The following NCBP3 variants were observed in gnomAD, a reference collection of about 807,000 sequenced individuals.
The protein encoded by NCBP3 is nuclear cap binding subunit 3.
A neutral mutation model predicts 75.7 loss-of-function variants in NCBP3; 20 were observed. The ratio of observed to expected loss-of-function variants is 0.26; its 90% confidence interval spans 0.19 to 0.38. The LOEUF is 0.38. NCBP3 is among the 10% of genes least tolerant of loss of function. The pLI is 1.00. For missense variants in NCBP3, 678 were observed against 796.9 expected (o/e 0.85, Z 1.80); for synonymous variants, 293 against 290.5 (o/e 1.01, Z -0.09).
Position 3,829,327 on chromosome 17 carries a change from C to T in NCBP3, c.397G>A (p.Val133Ile). The T allele has an allele frequency of 6.4e-7, 1 of 1,551,876 alleles. No homozygotes were observed. Among genetic ancestry groups the T allele is most frequent in the Non-Finnish European group, 8.7e-7 (1 of 1,147,012 alleles). Residue 133 changes from valine (V) to isoleucine (I), a missense_variant, in exon 4 of 13, where the codon GTA (valine) becomes ATA (isoleucine). By Grantham distance (29) the Val-to-Ile change is conservative (BLOSUM62 3). Transcript: ENST00000389005. ...VRLETIYICG[V>I]DEMSTQDVFS... ...ACATCTTGGGTGCTCATCTCATCTA[C>T]TCCGCAAATATAGATTGTCTCCAGT...
rs1190853851 is a variant in NCBP3, at chr17:3,810,599, A to G, written c.*2445T>C. 5 of 152,336 alleles carry G rather than the reference A, an allele frequency of 3.3e-5. No individual in the cohort carries two copies. The highest frequency in any genetic ancestry group is 3.9e-4 in the East Asian group (2 of 5,180). 9.4% of individuals were successfully genotyped at this position (152,336 alleles called of 1,614,324 possible). A position where few individuals can be genotyped will look rare whatever the true frequency, so the allele number is the denominator to read the frequency against. Reference sequence around the variant, plus strand: ...TCTTAAACTCCAAAGAAAAGGCCTCATCATTCAGGACACACTCAAGATGTT... The same window carrying G: ...TCTTAAACTCCAAAGAAAAGGCCTCGTCATTCAGGACACACTCAAGATGTT... On this transcript the variant is annotated 3_prime_UTR_variant, in exon 13 of 13. Transcript: ENST00000389005.
chr17:3,821,905 G>A (rs974750797), intron 8 of NCBP3, 48 bp downstream of exon 8: 2 of 1,220,842 alleles, frequency 1.6e-6, no homozygotes, highest in Admixed American at 1.9e-5. Context: ...CCAACTGAAG[G>A]ATTAAGAAAA....
chr17:3,833,207 C>A (rs950164963), intron 3 of NCBP3, among the ~76,000 whole-genome samples: 2 of 152,138 alleles, frequency 1.3e-5, no homozygotes, highest in Admixed American at 6.5e-5. Flanking sequence ...GAGCCATGAT[C>A]ACACAACTGC....
At chr17:3,816,888 C>T (rs547470932) in intron 10 of NCBP3, among the ~76,000 whole-genome samples, 1 of 152,212 alleles carries the variant, frequency 6.6e-6, no homozygotes, top group East Asian at 1.9e-4. Flanking sequence ...AAAAAATTAG[C>T]TGGGCGTGGT....
At chr17:3,823,302 G>A (rs372718270) in intron 7 of NCBP3, among the ~76,000 whole-genome samples, 15 of 152,112 alleles carry the variant, frequency 9.9e-5, no homozygotes, top group Admixed American at 4.6e-4. Flanking sequence ...CCAAGATCGC[G>A]CCACTGCACT....
At chr17:3,836,840 G>T (rs2053980837) in intron 3 of NCBP3, among the ~76,000 whole-genome samples, 1 of 151,932 alleles carries the variant, frequency 6.6e-6, no homozygotes. Context: ...CCTCAATCCT[G>T]TCTGCACATT....
chr17:3,833,699 GTTTGCT>G (rs1255540218), intron 3 of NCBP3, among the ~76,000 whole-genome samples: 1 of 151,622 alleles, frequency 6.6e-6, no homozygotes, highest in Non-Finnish European at 1.5e-5. Context: ...ACTCTTTCCT[GTTTGCT>G]TTTAAGGTAT....
intron 3 of NCBP3, among the ~76,000 whole-genome samples, chr17:3,834,966 C>T (rs1169867362): frequency 6.6e-6 from 1 of 152,110 alleles, no homozygotes; most frequent in Non-Finnish European, 1.5e-5. Flanking sequence ...TTCCTCATGA[C>T]AGTAAAAGGA....
At position 3,843,162 on chromosome 17, in the gene NCBP3, G is replaced by A; in HGVS notation, c.184-11C>T. 2 of 1,550,890 alleles carry A rather than the reference G, an allele frequency of 1.3e-6. No individual in the cohort carries two copies. Among genetic ancestry groups the A allele is most frequent in the Admixed American group, 2.0e-5 (1 of 50,940 alleles). On this transcript the variant is annotated splice_polypyrimidine_tract_variant and intron_variant, in intron 1 of 12. Transcript: ENST00000389005. ...TCTTCTGCTCGTGTCCTAACACAAA[G>A]GGGAAGGGTGAGAAATTCAGACAGC...
chr17:3,836,883 G>T (rs186753505), intron 3 of NCBP3, among the ~76,000 whole-genome samples: 599 of 152,182 alleles, frequency 3.9e-3, no homozygotes, highest in Non-Finnish European at 6.5e-3. Context: ...TGGCGCAATG[G>T]CTCACACCTA....
chr17:3,830,248 C>A (rs2053854512), intron 3 of NCBP3, among the ~76,000 whole-genome samples: 1 of 152,090 alleles, frequency 6.6e-6, no homozygotes, highest in Non-Finnish European at 1.5e-5. Context: ...GTAGCTCACA[C>A]GAAGATGTTT....
chr17:3,843,271 T>C (rs963367626), intron 1 of NCBP3, 120 bp from the exon 2 acceptor site: 17 of 738,678 alleles, frequency 2.3e-5, no homozygotes, highest in East Asian at 1.4e-4. Context: ...TTGGTGACAG[T>C]GTCTTGCTCT....
intron 3 of NCBP3, among the ~76,000 whole-genome samples, chr17:3,837,748 AAAG>A (rs1448330104): frequency 6.6e-5 from 10 of 151,312 alleles, no homozygotes; most frequent in Non-Finnish European, 1.5e-5. Flanking sequence ...AAAAAAAAAA[AAAG>A]AAAAGAAAAC....
At chr17:3,836,420 T>C (rs1354419021) in intron 3 of NCBP3, among the ~76,000 whole-genome samples, 4 of 151,802 alleles carry the variant, frequency 2.6e-5, no homozygotes, top group African/African-American at 9.7e-5. Context: ...TTTGGGAGGC[T>C]GAGGCGGGTG....
intron 7 of NCBP3, chr17:3,823,698 C>G (rs551831007): frequency 6.6e-6 from 1 of 152,172 alleles, no homozygotes; most frequent in Non-Finnish European, 1.5e-5. Flanking sequence ...GTTGCAATTA[C>G]AGGCACGAGC....
Position 3,805,713 on chromosome 17 carries a change from T to TA in NCBP3, c.*7330dup. 6.6e-6 allele frequency: 1 copy of TA among 152,410 alleles called. No homozygotes were observed. Among genetic ancestry groups the TA allele is most frequent in the East Asian group, 1.9e-4 (1 of 5,194 alleles). The allele number at this position is 152,410 out of a possible 1,614,324, so 9.4% of individuals were successfully genotyped here. A position where few individuals can be genotyped will look rare whatever the true frequency, so the allele number is the denominator to read the frequency against. On this transcript the variant is annotated 3_prime_UTR_variant, in exon 13 of 13. Transcript: ENST00000389005. ...CTTGGATCTCTTGTTTACAAACCCC[T>TA]ACTTCTTTCCTGCTATCTAGCCCAC...
intron 6 of NCBP3, among the ~76,000 whole-genome samples, chr17:3,825,476 G>A (rs558938575): frequency 3.3e-5 from 5 of 152,292 alleles, no homozygotes; most frequent in Non-Finnish European, 7.4e-5. Flanking sequence ...TAATCCATTA[G>A]GAAGTATGCC....
Position 3,810,609 on chromosome 17 carries a change from A to T in NCBP3, c.*2435T>A, listed in dbSNP as rs1323136678. The T allele has an allele frequency of 7.9e-5, 12 of 152,178 alleles. No individual in the cohort carries two copies. 9.4% of individuals were successfully genotyped at this position (152,178 alleles called of 1,614,324 possible). On this transcript the variant is annotated 3_prime_UTR_variant, in exon 13 of 13. Transcript: ENST00000389005. Reference sequence around the variant, plus strand: ...CAAAGAAAAGGCCTCATCATTCAGGACACACTCAAGATGTTGCAAGATCTG... The same window carrying T: ...CAAAGAAAAGGCCTCATCATTCAGGTCACACTCAAGATGTTGCAAGATCTG...
chr17:3,817,013 C>T (rs917357937), intron 10 of NCBP3, among the ~76,000 whole-genome samples: 45 of 151,380 alleles, frequency 3.0e-4, no homozygotes, highest in African/African-American at 1.1e-3. Context: ...CCAGGCTGGG[C>T]GACAGAGCGA....
Sources: allele counts gnomAD v4.1 joint callset (sites outside exome capture counted in the v4.1 genomes callset), GRCh38; gene constraint gnomAD v4.1.1; transcripts MANE v1.5; gene names NCBI Gene and HGNC (gene_info 2026-07-23, HGNC 2026-07-21).